CLCN7: variants seen among roughly 807,000 people sequenced by gnomAD.
The protein encoded by CLCN7 is Cl-/H+ antiporter 7, also known as H(+)/Cl(-) exchange transporter 7.
In CLCN7, 60 loss-of-function variants were observed where a neutral mutation model predicts 102.1. That is an observed-to-expected ratio of 0.59 (90% CI 0.48 to 0.73). CLCN7 has a LOEUF of 0.73. Ranked by LOEUF, CLCN7 falls within the 30% of genes least tolerant of loss-of-function variation. CLCN7 has a pLI of 0.00. For missense variants in CLCN7, 962 were observed against 1,125.7 expected, an observed-to-expected ratio of 0.85 and a Z score of 2.08; for synonymous variants, 560 against 490.5, an observed-to-expected ratio of 1.14 and a Z score of -1.87.
chr16:1,473,930 C>T (rs1393453017), intron 1 of CLCN7, among the ~76,000 whole-genome samples: 1 of 151,774 alleles, frequency 6.6e-6, no homozygotes, highest in African/African-American at 2.4e-5. Context: ...ACTAAAAATA[C>T]AAAATTAGCC....
chr16:1,448,607 C>T, intron 20 of CLCN7, 74 bp downstream of exon 20: 2 of 1,602,270 alleles, frequency 1.2e-6, no homozygotes, highest in Admixed American at 3.3e-5. Context: ...AGCCCGCAAG[C>T]CGTGCACCCT....
At chr16:1,450,327 G>A in intron 17 of CLCN7, 170 bp downstream of exon 17, 1 of 597,690 alleles carries the variant, frequency 1.7e-6, no homozygotes, top group South Asian at 1.8e-5. Flanking sequence ...TGCCACCACA[G>A]CAGGACAACG....
chr16:1,464,672 A>G (rs1281496994), intron 2 of CLCN7, among the ~76,000 whole-genome samples: 1 of 152,214 alleles, frequency 6.6e-6, no homozygotes, highest in Non-Finnish European at 1.5e-5. Flanking sequence ...GATGGGGAGA[A>G]GGAGGACGCC....
In CLCN7 at chr16:1,448,403, C is replaced by T. The variant is rs761113175; in HGVS notation, c.1965G>A (p.Ala655=). 6 of 1,612,730 alleles carry T rather than the reference C, an allele frequency of 3.7e-6. No individual in the cohort carries two copies. Among genetic ancestry groups the T allele is most frequent in the Non-Finnish European group, 5.1e-6 (6 of 1,179,976 alleles). Residue 655 remains alanine (A), a synonymous_variant, in exon 21 of 25, where the codon GCG becomes GCA. Transcript: ENST00000382745. ...GVIVDVLSDT[A]SNHNGFPVVE... ...CCACGGGGAAGCCGTTGTGATTGGA[C>T]GCCGTGTCGCTCAGCACGTCCACAA...
chr16:1,447,050 C>T lies in CLCN7; in HGVS notation c.2287G>A (p.Ala763Thr). 6.2e-7 allele frequency: 1 copy of T among 1,602,640 alleles called. No homozygotes were observed. The highest frequency in any genetic ancestry group is 8.5e-7 in the Non-Finnish European group (1 of 1,178,228). ...ACCACCAGGTGCCGCAGGCCCAGGGCCCGGAACAGCTTGAACACCCGTGGG... is the reference window on the plus strand; with the variant it reads ...ACCACCAGGTGCCGCAGGCCCAGGGTCCGGAACAGCTTGAACACCCGTGGG... Reference protein sequence around the residue: ...SLPRVFKLFRALGLRHLVVVD... With the variant: ...SLPRVFKLFRTLGLRHLVVVD... The change falls in exon 24 of 25, where the codon GCC becomes ACC. Residue 763 changes from alanine to threonine, a missense_variant. Physicochemically the swap from Ala to Thr is moderately conservative, Grantham distance 58. Transcript: ENST00000382745.
In CLCN7 at chr16:1,454,709, G is replaced by A. The variant is rs368413747; in HGVS notation, c.1099-244C>T. Among the ~76,000 whole-genome samples the A allele has an allele frequency of 2.8e-4, 42 of 152,322 alleles. No homozygotes were observed. In the East Asian group the frequency reaches 5.4e-3, roughly 20 times the overall value. ...CCCTGCCACCCTCAGCACCCGGGGC[G>A]GGGAGGGCCCCAAGCACTGGGAACA... On this transcript the variant is annotated intron_variant, in intron 12 of 24. Transcript: ENST00000382745.
In CLCN7 at chr16:1,460,799, C is replaced by A. The variant is rs115071340; in HGVS notation, c.484+17G>T. 1.2e-6 allele frequency: 2 copies of A among 1,613,882 alleles called. No homozygotes were observed. The highest frequency in any genetic ancestry group is 1.7e-6 in the Non-Finnish European group (2 of 1,179,944). ...CGCCCCCCTCCCAAGCTGCAGCGGC[C>A]GCACTGGGAAGGATACTGCCCTTGA... On this transcript the variant is annotated intron_variant, in intron 5 of 24. Transcript: ENST00000382745.
At chr16:1,470,197 A>G (rs919952338) in intron 1 of CLCN7, among the ~76,000 whole-genome samples, 3 of 152,236 alleles carry the variant, frequency 2.0e-5, no homozygotes, top group Non-Finnish European at 2.9e-5. Context: ...AGGTCTTGCT[A>G]TGTTGCCCAG....
chr16:1,457,105 C>T lies in CLCN7; in HGVS notation c.822+149G>A, dbSNP rs561561852. On this transcript the variant is annotated intron_variant, in intron 9 of 24. Coordinates refer to ENST00000382745, the MANE Select transcript of CLCN7 (RefSeq NM_001287.6). This position sits in a 1 kb window ranked among gnomAD's most constrained non-coding sequence, Gnocchi z 5.4. The stretch of plus-strand genomic sequence containing the variant: ...GGCCTTGCCGGGCAGGGACTGTGCC[C>T]GCTGGCTCTGGGAGCCACCCGCCAG... 1.1e-4 allele frequency: 84 copies of T among 751,182 alleles called. No homozygotes were observed. The highest frequency in any genetic ancestry group is 5.7e-4 in the African/African-American group (33 of 58,192). 46.5% of individuals were successfully genotyped at this position (751,182 alleles called of 1,614,324 possible). A position where few individuals can be genotyped will look rare whatever the true frequency, so the allele number is the denominator to read the frequency against.
intron 1 of CLCN7, among the ~76,000 whole-genome samples, chr16:1,469,742 G>C (rs2039051154): frequency 6.6e-6 from 1 of 152,282 alleles, no homozygotes; most frequent in South Asian, 2.1e-4. Context: ...TAAAAAAGCA[G>C]CGTCTGAAAG....
At chr16:1,460,370 C>A in intron 6 of CLCN7, 48 bp downstream of exon 6, 1 of 1,401,016 alleles carries the variant, frequency 7.1e-7, no homozygotes, top group African/African-American at 1.4e-5. Context: ...CACCAAGACC[C>A]CCAATCCTTC....
chr16:1,459,503 C>T (rs568849728), intron 6 of CLCN7: 13 of 294,436 alleles, frequency 4.4e-5, no homozygotes, highest in African/African-American at 3.7e-4. Flanking sequence ...GCACACATGT[C>T]GGGGCCTCAG....
At position 1,445,447 on chromosome 16, in the gene CLCN7, C is replaced by T. The variant is rs2038620770; in HGVS notation, c.*1184G>A. 6.6e-6 allele frequency: 1 copy of T among 152,376 alleles called. No individual in the cohort carries two copies. The highest frequency in any genetic ancestry group is 1.5e-5 in the Non-Finnish European group (1 of 68,164). 9.4% of individuals were successfully genotyped at this position (152,376 alleles called of 1,614,324 possible). A position where few individuals can be genotyped will look rare whatever the true frequency, so the allele number is the denominator to read the frequency against. The stretch of plus-strand genomic sequence containing the variant: ...GGCGTCAGCTCCCGGGGAGGCCCCA[C>T]TCCCTGGGGAGGAAATACACGGCAG... On this transcript the variant is annotated 3_prime_UTR_variant, in exon 25 of 25. Transcript: ENST00000382745.
At chr16:1,474,811 G>A (rs764897813) in intron 1 of CLCN7, 23 bp downstream of exon 1, 25 of 1,309,050 alleles carry the variant, frequency 1.9e-5, no homozygotes, top group Middle Eastern at 2.9e-4. Context: ...CAGTTTCCCC[G>A]CCTGCGCCCT....
rs1177860168 is a variant in CLCN7 at position 1,460,468 on chromosome 16, G to A, written c.544C>T (p.Leu182=). 1.2e-6 allele frequency: 2 copies of A among 1,613,882 alleles called. No individual in the cohort carries two copies. The highest frequency in any genetic ancestry group is 8.5e-7 in the Non-Finnish European group (1 of 1,179,998). Residue 182 remains leucine, a synonymous_variant, in exon 6 of 25, where the codon CTG becomes TTG. Coordinates refer to ENST00000382745, the MANE Select transcript of CLCN7 (RefSeq NM_001287.6). ...LSFSLLLWAT[L]NAAFVLVGSV... is the part of the protein sequence containing the mutation. The stretch of plus-strand genomic sequence containing the variant: ...CCCACGAGCACGAAGGCGGCGTTCA[G>A]CGTGGCCCACAGCAACAGGGAGAAG...
In CLCN7 at chr16:1,450,590, C is replaced by A. The variant is rs150009847; in HGVS notation, c.1524G>T (p.Thr508=). ...FFLACWTYGL[T]VSAGVFIPSL... is the part of the protein sequence containing the mutation. ...ACGGGATGAAGACCCCGGCAGACAC[C>A]GTGAGCCCGTAGGTCCAGCAGGCCA... Residue 508 remains threonine, a synonymous_variant, in exon 17 of 25, where the codon ACG becomes ACT. Coordinates refer to ENST00000382745, the MANE Select transcript of CLCN7 (RefSeq NM_001287.6). 6.2e-7 allele frequency: 1 copy of A among 1,612,418 alleles called. No individual in the cohort carries two copies. The highest frequency in any genetic ancestry group is 8.5e-7 in the Non-Finnish European group (1 of 1,179,726).
chr16:1,457,255 T>C lies in CLCN7; in HGVS notation c.821A>G (p.Lys274Arg), dbSNP rs775085622. The C allele has an allele frequency of 4.3e-6, 7 of 1,613,788 alleles. No homozygotes were observed. The highest frequency in any genetic ancestry group is 5.9e-6 in the Non-Finnish European group (7 of 1,179,920). ...CACCCACACAAGATTTCAACTCACCTTGAAATCTCGTTTCAGTGACGTTGA... is the reference window on the plus strand; with the variant it reads ...CACCCACACAAGATTTCAACTCACCCTGAAATCTCGTTTCAGTGACGTTGA... ...GRSTSLKRDF[K>R]IFEYFRRDTE... is the part of the protein sequence containing the mutation. Residue 274 changes from lysine to arginine, a missense_variant and splice_region_variant, in exon 9 of 25, where the codon AAG becomes AGG. By Grantham distance (26) the Lys-to-Arg change is conservative. This residue lies in a region of CLCN7 where 799 missense variants were observed against 988.0 expected (regional missense o/e 0.81). Transcript: ENST00000382745. The surrounding 1 kb of genome is among the most constrained non-coding windows in gnomAD (Gnocchi z 5.4).
At chr16:1,461,346 G>A in intron 4 of CLCN7, 59 bp downstream of exon 4, 2 of 1,448,208 alleles carry the variant, frequency 1.4e-6, no homozygotes, top group Non-Finnish European at 1.9e-6. Context: ...GCAGCCCCAG[G>A]CCCGGCCGGC....
chr16:1,459,272 A>AAGG, intron 6 of CLCN7, 85 bp from the exon 7 acceptor site: 1 of 969,780 alleles, frequency 1.0e-6, no homozygotes, highest in Non-Finnish European at 1.6e-6. Flanking sequence ...CCAGGAGCTG[A>AAGG]GGAGAGCAGC....
Sources: gnomAD v4.1 joint callset for allele counts (sites outside exome capture counted in the v4.1 genomes callset) on GRCh38, gnomAD v4.1.1 for gene constraint, gnomAD v4.1.1 regional missense constraint, Gnocchi (gnomAD v3.1) non-coding constraint, MANE v1.5 for transcripts, NCBI Gene and HGNC (gene_info 2026-07-23, HGNC 2026-07-21) for gene names.